TNFAIP8: variants seen among roughly 807,000 people sequenced by gnomAD.
TNFAIP8 encodes the protein tumor necrosis factor alpha-induced protein 8.
Under a neutral mutation model 13.3 loss-of-function variants are expected in TNFAIP8, and 7 were observed. The ratio of observed to expected loss-of-function variants is 0.52; its 90% CI spans 0.30 to 0.99. The LOEUF (loss-of-function observed/expected upper bound fraction) is 0.99, where lower values mean the gene tolerates loss of function less well. TNFAIP8 is among the 50% of genes least tolerant of loss of function. The probability of loss-of-function intolerance (pLI) is 0.07; values close to 1 mark genes in which losing one functional copy is unlikely to be tolerated. For synonymous variants in TNFAIP8, 94 were observed against 87.6 expected (o/e 1.07, Z -0.41); for missense variants, 258 against 236.9 (o/e 1.09, Z -0.58).
chr5:119,309,091 CA>C (rs1749655130), intron 1 of TNFAIP8, among the ~76,000 whole-genome samples: 2 of 152,172 alleles, frequency 1.3e-5, no homozygotes, highest in South Asian at 4.1e-4. Flanking sequence ...TTGTGAAATA[CA>C]AAGATCAAAG....
At chr5:119,312,542 A>G (rs1317885280) in intron 1 of TNFAIP8, among the ~76,000 whole-genome samples, 1 of 152,072 alleles carries the variant, frequency 6.6e-6, no homozygotes, top group East Asian at 1.9e-4. Context: ...CCGGGACTCA[A>G]ATGACACCGC....
At chr5:119,274,072 A>G (rs1461624115) in intron 1 of TNFAIP8, among the ~76,000 whole-genome samples, 2 of 152,144 alleles carry the variant, frequency 1.3e-5, no homozygotes, top group Non-Finnish European at 2.9e-5. Context: ...CATGGCTGTC[A>G]ACAAAAATAG....
chr5:119,368,954 G>A (rs920688007), intron 1 of TNFAIP8, among the ~76,000 whole-genome samples: 3 of 151,836 alleles, frequency 2.0e-5, no homozygotes, highest in African/African-American at 7.3e-5. Flanking sequence ...GAAAATACTG[G>A]AATCCTCTAC....
intron 1 of TNFAIP8, among the ~76,000 whole-genome samples, chr5:119,271,999 C>G (rs931587203): frequency 6.6e-6 from 1 of 152,176 alleles, no homozygotes; most frequent in African/African-American, 2.4e-5. Flanking sequence ...TTCTATACTT[C>G]AGTTGTGCTG....
intron 1 of TNFAIP8, among the ~76,000 whole-genome samples, chr5:119,280,893 G>C (rs1748605729): frequency 6.6e-6 from 1 of 150,840 alleles, no homozygotes; most frequent in South Asian, 2.1e-4. Flanking sequence ...ATTCTCAGAA[G>C]ATCACTGATT....
intron 1 of TNFAIP8, among the ~76,000 whole-genome samples, chr5:119,284,908 G>A (rs529344245): frequency 6.6e-6 from 1 of 152,182 alleles, no homozygotes; most frequent in South Asian, 2.1e-4. Flanking sequence ...AACTTGCTAG[G>A]CATTCTAGTA....
intron 1 of TNFAIP8, among the ~76,000 whole-genome samples, chr5:119,286,508 G>A (rs1025352115): frequency 1.1e-4 from 16 of 151,892 alleles, no homozygotes; most frequent in African/African-American, 3.9e-4. Flanking sequence ...TGTAATTCCA[G>A]CTACTCTGGA....
At chr5:119,360,736 A>G (rs1751601768) in intron 1 of TNFAIP8, among the ~76,000 whole-genome samples, 1 of 152,082 alleles carries the variant, frequency 6.6e-6, no homozygotes, top group African/African-American at 2.4e-5. Flanking sequence ...CTCTCCTTGA[A>G]GTAGGACAGA....
chr5:119,272,876 CG>C (rs1027100037), intron 1 of TNFAIP8, among the ~76,000 whole-genome samples: 1 of 152,064 alleles, frequency 6.6e-6, no homozygotes, highest in Admixed American at 6.6e-5. Context: ...GTCAAGGTGA[CG>C]GGGGGCTAGG....
chr5:119,397,079 T>C lies in TNFAIP8; in HGVS notation c.*3698T>C, dbSNP rs2112881260. ...CGTTTTAAACTCTTATATAATAGTA[T>C]GCCATTCACAATTATCTGGAAAGTT... is the stretch of plus-strand genomic sequence containing the variant. On this transcript the variant is annotated 3_prime_UTR_variant, in exon 2 of 2. Transcript: ENST00000504771. 1 of 151,362 alleles carries C rather than the reference T, an allele frequency of 6.6e-6. No individual in the cohort carries two copies. Among genetic ancestry groups the C allele is most frequent in the South Asian group, 2.1e-4 (1 of 4,782 alleles). The allele number at this position is 151,362 out of a possible 1,614,324, so 9.4% of individuals were successfully genotyped here.
chr5:119,363,896 C>T (rs1041932414), intron 1 of TNFAIP8, among the ~76,000 whole-genome samples: 1 of 152,186 alleles, frequency 6.6e-6, no homozygotes, highest in African/African-American at 2.4e-5. Flanking sequence ...GACAGCCCCT[C>T]AGGTTCAGTA....
At position 119,356,037 on chromosome 5, in the gene TNFAIP8, T is replaced by A; in HGVS notation, c.-54T>A. 1 of 1,545,182 alleles carries A rather than the reference T, an allele frequency of 6.5e-7. No homozygotes were observed. Among genetic ancestry groups the A allele is most frequent in the Non-Finnish European group, 8.8e-7 (1 of 1,141,926 alleles). On this transcript the variant is annotated 5_prime_UTR_variant, in exon 1 of 2. Coordinates refer to ENST00000504771, the MANE Select transcript of TNFAIP8 (RefSeq NM_014350.4). Reference sequence around the variant, plus strand: ...TTTCGCTGCAGAGCGAACTTGCGGCTCGTCCGAGTACATGTGAGCGGTAAT... The same window carrying A: ...TTTCGCTGCAGAGCGAACTTGCGGCACGTCCGAGTACATGTGAGCGGTAAT...
At chr5:119,312,803 G>C (rs1279853641) in intron 1 of TNFAIP8, among the ~76,000 whole-genome samples, 1 of 151,514 alleles carries the variant, frequency 6.6e-6, no homozygotes, top group Non-Finnish European at 1.5e-5. Flanking sequence ...GAAAATGTTG[G>C]GTAACTACAG....
At chr5:119,337,930 C>T (rs765086661) in intron 1 of TNFAIP8, among the ~76,000 whole-genome samples, 28 of 152,208 alleles carry the variant, frequency 1.8e-4, no homozygotes, top group Non-Finnish European at 3.2e-4. Context: ...TTGCTGTCTG[C>T]GGAGCCGCAG....
chr5:119,357,114 C>T (rs1751456707), intron 1 of TNFAIP8, among the ~76,000 whole-genome samples: 1 of 152,158 alleles, frequency 6.6e-6, no homozygotes, highest in Admixed American at 6.5e-5. Flanking sequence ...TCCTCTTCTG[C>T]CTTTTACTGA....
intron 1 of TNFAIP8, among the ~76,000 whole-genome samples, chr5:119,389,877 A>C (rs147855426): frequency 6.6e-6 from 1 of 152,380 alleles, no homozygotes; most frequent in East Asian, 1.9e-4. Context: ...ATCTTGATTC[A>C]TACTTGATTA....
At chr5:119,353,324 T>C (rs1751246833), upstream of TNFAIP8, among the ~76,000 whole-genome samples, 1 of 152,184 alleles carries the variant, frequency 6.6e-6, no homozygotes, top group Non-Finnish European at 1.5e-5. Context: ...ACCTAGTACA[T>C]ATCTGAGAGC....
At chr5:119,298,708 A>G (rs1359510081) in intron 1 of TNFAIP8, among the ~76,000 whole-genome samples, 2 of 152,096 alleles carry the variant, frequency 1.3e-5, no homozygotes, top group African/African-American at 4.8e-5. Flanking sequence ...GTGTTTTCCA[A>G]CTAGGTTCCA....
At chr5:119,318,820 TTACTA>T (rs1749974390) in intron 1 of TNFAIP8, among the ~76,000 whole-genome samples, 1 of 152,156 alleles carries the variant, frequency 6.6e-6, no homozygotes, top group Non-Finnish European at 1.5e-5. Flanking sequence ...TTTGCATTAA[TTACTA>T]TACTGGTTTT....
Sources: allele counts gnomAD v4.1 joint callset (sites outside exome capture counted in the v4.1 genomes callset), GRCh38; gene constraint gnomAD v4.1.1; transcripts MANE v1.5; gene names NCBI Gene and HGNC (gene_info 2026-07-23, HGNC 2026-07-21).